MICAL2: variants seen among roughly 807,000 people sequenced by gnomAD.
MICAL2 encodes the protein microtubule associated monooxygenase, calponin and LIM domain containing 2, also known as [F-actin]-monooxygenase MICAL2.
A neutral mutation model predicts 127.3 loss-of-function variants in MICAL2; 77 were observed. That is an observed-to-expected ratio of 0.60 (90% confidence interval 0.50 to 0.73). The LOEUF is 0.73. Ranked by LOEUF, MICAL2 falls within the 30% of genes least tolerant of loss-of-function variation. The probability of loss-of-function intolerance (pLI) is 0.00; values close to 1 mark genes in which losing one functional copy is unlikely to be tolerated. For missense variants in MICAL2, 1,351 were observed against 1,434.4 expected (o/e 0.94, Z 0.94); for synonymous variants, 570 against 551.1 (o/e 1.03, Z -0.48).
At chr11:12,270,928 G>A (rs576264295) in intron 24 of MICAL2, among the ~76,000 whole-genome samples, 3 of 152,244 alleles carry the variant, frequency 2.0e-5, no homozygotes, top group Non-Finnish European at 4.4e-5. Flanking sequence ...AATTTCACCC[G>A]CAGAACCAGG....
At chr11:12,337,874 C>A (rs970209063) in intron 32 of MICAL2, among the ~76,000 whole-genome samples, 2 of 152,074 alleles carry the variant, frequency 1.3e-5, no homozygotes, top group East Asian at 3.9e-4. Flanking sequence ...TTACTTCCAA[C>A]TATGTGGTCA....
chr11:12,226,357 A>G lies in MICAL2; in HGVS notation c.1875A>G (p.Pro625=). ...TCTACGAGCTCTTCCGGGGCACCCC[A>G]CTGAGGCCCGTGGGTAAGCACCTGC... is the stretch of plus-strand genomic sequence containing the variant. ...SKFYELFRGT[P]LRPVDSWRKN... is the part of the protein sequence containing the mutation. The change falls in exon 14 of 28, where the codon CCA becomes CCG. Residue 625 remains proline, a synonymous_variant. Transcript: ENST00000683283. The G allele has an allele frequency of 6.2e-7, 1 of 1,614,028 alleles. No individual in the cohort carries two copies. Among genetic ancestry groups the G allele is most frequent in the South Asian group, 1.1e-5 (1 of 91,060 alleles).
chr11:12,223,530 G>GTGGC, intron 12 of MICAL2, 29 bp downstream of exon 12: 1 of 1,598,826 alleles, frequency 6.3e-7, no homozygotes, highest in Non-Finnish European at 8.6e-7. Flanking sequence ...ACCCTGGTGG[G>GTGGC]TGGCTGGGAA....
intron 1 of MICAL2, among the ~76,000 whole-genome samples, chr11:12,277,720 C>T (rs982410650): frequency 6.6e-6 from 1 of 152,198 alleles, no homozygotes; most frequent in Non-Finnish European, 1.5e-5. Flanking sequence ...AAATTGTGTT[C>T]TGGGTATCCA....
intron 3 of MICAL2, among the ~76,000 whole-genome samples, chr11:12,187,603 G>A (rs1263414142): frequency 2.0e-5 from 3 of 152,252 alleles, no homozygotes; most frequent in South Asian, 4.1e-4. Context: ...GGACTCAGAC[G>A]CTGTGGTTTT....
intron 29 of MICAL2, among the ~76,000 whole-genome samples, chr11:12,307,698 T>C (rs878911959): frequency 6.6e-6 from 1 of 152,204 alleles, no homozygotes; most frequent in Admixed American, 6.5e-5. Context: ...ATTGCTTCGG[T>C]ACCACTTGTT....
At chr11:12,148,333 A>G (rs1373146629) in intron 2 of MICAL2, among the ~76,000 whole-genome samples, 1 of 152,058 alleles carries the variant, frequency 6.6e-6, no homozygotes, top group East Asian at 1.9e-4. Flanking sequence ...ATAAGCCCAA[A>G]TGCCTTTGGG....
At chr11:12,259,696 A>C in intron 25 of MICAL2, 99 bp from the exon 26 acceptor site, 2 of 1,078,258 alleles carry the variant, frequency 1.9e-6, no homozygotes, top group Non-Finnish European at 2.6e-6. Context: ...GGCTGGTTGC[A>C]GGGTCTGGCG....
chr11:12,263,875 T>C (rs1863440952), downstream of MICAL2: 1 of 152,472 alleles, frequency 6.6e-6, no homozygotes, highest in Admixed American at 6.5e-5. Flanking sequence ...CCTAAACTGC[T>C]GGCGGGACTT....
chr11:12,357,881 T>C lies in MICAL2; in HGVS notation c.5690-414T>C, dbSNP rs188240739. On this transcript the variant is annotated intron_variant, in intron 34 of 34. Coordinates refer to the MICAL2 transcript ENST00000646065. ...AAAAAGATTGTGGTCATTGAAACAGTAGCCACTGGTGCAGGTGGTTTACTT... is the reference window on the plus strand; with the variant it reads ...AAAAAGATTGTGGTCATTGAAACAGCAGCCACTGGTGCAGGTGGTTTACTT... Among the ~76,000 whole-genome samples, 7 of 152,226 alleles carry C rather than the reference T, an allele frequency of 4.6e-5. No homozygotes were observed. The East Asian group carries it at 1.4e-3, about 29-fold the overall frequency.
intron 21 of MICAL2, among the ~76,000 whole-genome samples, chr11:12,247,826 C>G (rs972753422): frequency 2.0e-5 from 3 of 152,204 alleles, no homozygotes; most frequent in Non-Finnish European, 4.4e-5. Flanking sequence ...GGGAGTTTCT[C>G]TCCTAGAGTC....
Position 12,222,493 on chromosome 11 carries a change from G to A in MICAL2, c.1323-124G>A, listed in dbSNP as rs938261586. ...AACCAGGAGAGTCAGGTATTTCAGG[G>A]AAGGGTTAGACAAACATGTCCAGGA... On this transcript the variant is annotated intron_variant, in intron 10 of 27. Transcript: ENST00000683283. 6.2e-6 allele frequency: 8 copies of A among 1,292,982 alleles called. No individual in the cohort carries two copies. In the African/African-American group the frequency reaches 8.9e-5, roughly 14 times the overall value. The allele number at this position is 1,292,982 out of a possible 1,614,324, so 80.1% of individuals were successfully genotyped here.
intron 1 of MICAL2, among the ~76,000 whole-genome samples, chr11:12,120,791 GGCGGT>G (rs1850442838): frequency 6.6e-6 from 1 of 152,204 alleles, no homozygotes; most frequent in Admixed American, 6.5e-5. Context: ...GAGTTCTGGG[GGCGGT>G]GTGGGTGTGG....
rs576823653 is a variant in MICAL2 at position 12,262,906 on chromosome 11, A to G, written c.*17+369A>G. 165 of 195,554 alleles carry G rather than the reference A, an allele frequency of 8.4e-4. 1 individual carries two copies. The highest frequency in any genetic ancestry group is 8.1e-3 in the Middle Eastern group (4 of 494). 12.1% of individuals were successfully genotyped at this position (195,554 alleles called of 1,614,324 possible). On this transcript the variant is annotated intron_variant, in intron 27 of 27. Coordinates refer to ENST00000683283, the MANE Select transcript of MICAL2 (RefSeq NM_001282663.2). ...ATGAGGGGGCCTCTGTCACCTTTGA[A>G]AAGAACACTTTTTGAGCAGCCTCAA...
chr11:12,273,251 T>C (rs1442127004), upstream of MICAL2, among the ~76,000 whole-genome samples: 1 of 152,178 alleles, frequency 6.6e-6, no homozygotes, highest in Non-Finnish European at 1.5e-5. Flanking sequence ...TCTGAGAGGA[T>C]CGGGTGAGAT....
chr11:12,298,561 A>C (rs2134799281), intron 29 of MICAL2, among the ~76,000 whole-genome samples: 1 of 152,304 alleles, frequency 6.6e-6, no homozygotes, highest in African/African-American at 2.4e-5. Context: ...TCCTTAATAT[A>C]TTCCTACTCA....
intron 1 of MICAL2, among the ~76,000 whole-genome samples, chr11:12,129,700 T>A (rs1371067592): frequency 6.6e-6 from 1 of 151,160 alleles, no homozygotes; most frequent in Non-Finnish European, 1.5e-5. Flanking sequence ...GTTTTTCTCT[T>A]AATTTTATGA....
chr11:12,225,373 A>C (rs1857289403), intron 13 of MICAL2, among the ~76,000 whole-genome samples: 1 of 152,240 alleles, frequency 6.6e-6, no homozygotes, highest in African/African-American at 2.4e-5. Flanking sequence ...TGTTTAAATC[A>C]GCAGCAGCAG....
At chr11:12,271,678 G>A (rs984685197), upstream of MICAL2, among the ~76,000 whole-genome samples, 1 of 152,146 alleles carries the variant, frequency 6.6e-6, no homozygotes. Context: ...ATTTGTACTA[G>A]TGCCACTAGT....
Sources: allele counts gnomAD v4.1 joint callset (sites outside exome capture counted in the v4.1 genomes callset), GRCh38; gene constraint gnomAD v4.1.1; transcripts MANE v1.5; gene names NCBI Gene and HGNC (gene_info 2026-07-23, HGNC 2026-07-21).